The following MESD variants were observed in gnomAD, a reference collection of about 807,000 sequenced individuals.
MESD encodes the protein LRP chaperone MESD.
MESD carries 7 observed loss-of-function variants against 12.9 expected under a neutral mutation model. The ratio of observed to expected loss-of-function variants is 0.54; its 90% confidence interval spans 0.31 to 1.02. The LOEUF (loss-of-function observed/expected upper bound fraction) is 1.02. MESD is among the 50% of genes least tolerant of loss of function. The pLI, the probability that MESD is intolerant of heterozygous loss-of-function variation, is 0.05. For synonymous variants in MESD, 126 were observed against 115.6 expected (o/e 1.09, Z -0.58); for missense variants, 342 against 296.7 (o/e 1.15, Z -1.12).
chr15:80,966,567 C>T (rs1902179438), intron 3 of MESD, among the ~76,000 whole-genome samples: 1 of 152,202 alleles, frequency 6.6e-6, no homozygotes, highest in South Asian at 2.1e-4. Flanking sequence ...TGCACACACA[C>T]ACAAACCAAG....
In MESD at chr15:80,989,593, G is replaced by A. The variant is rs375376153; in HGVS notation, c.199C>T (p.Leu67=). The part of the protein sequence containing the change: ...DYNDADMARL[L]EQWEKDDDIE... Reference sequence around the variant, plus strand: ...GCGCCGCGGACCTCCCATTGCTCCAGAAGACGCGCCATGTCTGCATCATTG... The same window carrying A: ...GCGCCGCGGACCTCCCATTGCTCCAAAAGACGCGCCATGTCTGCATCATTG... Residue 67 remains leucine (L), a synonymous_variant, in exon 1 of 3, where the codon CTG becomes TTG. Transcript: ENST00000261758. 6 of 1,613,510 alleles carry A rather than the reference G, an allele frequency of 3.7e-6. No homozygotes were observed. In the East Asian group the frequency reaches 6.7e-5, roughly 18 times the overall value.
intron 1 of MESD, 42 bp from the exon 2 acceptor site, chr15:80,982,224 C>T (rs756724774): frequency 3.0e-5 from 47 of 1,565,642 alleles, no homozygotes; most frequent in South Asian, 1.9e-4. Flanking sequence ...TCATCAGAAT[C>T]TTGCTTTTCA....
chr15:80,968,868 A>G (rs1902227753), intron 3 of MESD, among the ~76,000 whole-genome samples: 1 of 152,084 alleles, frequency 6.6e-6, no homozygotes, highest in Non-Finnish European at 1.5e-5. Context: ...AGTAAATGTT[A>G]ACTAATACCA....
At chr15:80,958,564 C>T (rs887286855) in intron 3 of MESD, among the ~76,000 whole-genome samples, 7 of 152,190 alleles carry the variant, frequency 4.6e-5, no homozygotes, top group African/African-American at 1.7e-4. Flanking sequence ...AACTCCCGAG[C>T]TCAGGTGATC....
At chr15:80,973,463 T>A (rs1035220823), downstream of MESD, among the ~76,000 whole-genome samples, 1 of 151,808 alleles carries the variant, frequency 6.6e-6, no homozygotes. Flanking sequence ...GGCTTGAGCC[T>A]AGGAGGTCAA....
Position 80,982,025 on chromosome 15 carries a change from G to A in MESD, c.371C>T (p.Pro124Leu). 1.2e-6 allele frequency: 2 copies of A among 1,614,134 alleles called. No individual in the cohort carries two copies. Among genetic ancestry groups the A allele is most frequent in the Non-Finnish European group, 1.7e-6 (2 of 1,180,030 alleles). ...AATTTCCTCTGTCTCCTTCTCAGTA[G>A]GGCTTCCTGATACAGTGACAAACAT... ...LMMFVTVSGS[P>L]TEKETEEITS... The change falls in exon 2 of 3, where the codon CCT (proline) becomes CTT (leucine). Residue 124 changes from proline (P) to leucine (L), a missense_variant. Pro to Leu is a moderately conservative substitution (Grantham distance 98). Coordinates refer to ENST00000261758, the MANE Select transcript of MESD (RefSeq NM_015154.3).
Position 80,975,902 on chromosome 15 carries a change from A to G in MESD, c.*3317T>C, listed in dbSNP as rs1266219070. The G allele has an allele frequency of 6.6e-6, 1 of 152,212 alleles. No homozygotes were observed. The highest frequency in any genetic ancestry group is 2.4e-5 in the African/African-American group (1 of 41,474). 9.4% of individuals were successfully genotyped at this position (152,212 alleles called of 1,614,324 possible). A position where few individuals can be genotyped will look rare whatever the true frequency, so the allele number is the denominator to read the frequency against. On this transcript the variant is annotated 3_prime_UTR_variant, in exon 3 of 3. Transcript: ENST00000261758. ...GAAGATCAATTGAGCCGGTAGGTAGAGACTTCAGTGAGCCGTGATCCTACT... is the reference window on the plus strand; with the variant it reads ...GAAGATCAATTGAGCCGGTAGGTAGGGACTTCAGTGAGCCGTGATCCTACT...
At chr15:80,981,524 C>T (rs902949429) in intron 2 of MESD, among the ~76,000 whole-genome samples, 2 of 150,614 alleles carry the variant, frequency 1.3e-5, no homozygotes, top group Non-Finnish European at 3.0e-5. Flanking sequence ...TTGGGAAATA[C>T]GGCCAGAAAG....
chr15:80,981,815 G>A lies in MESD; in HGVS notation c.446+135C>T, dbSNP rs370966460. 491 of 666,666 alleles carry A rather than the reference G, an allele frequency of 7.4e-4. 3 individuals carry two copies. The African/African-American group carries it at 7.7e-3, about 10-fold the overall frequency. 41.3% of individuals were successfully genotyped at this position (666,666 alleles called of 1,614,324 possible). On this transcript the variant is annotated intron_variant, in intron 2 of 2. Transcript: ENST00000261758. Reference sequence around the variant, plus strand: ...GGTTGCAGTGAGCCGAGATCACGCCGCTGCACTCCAGCCTAGGCAACAAGA... The same window carrying A: ...GGTTGCAGTGAGCCGAGATCACGCCACTGCACTCCAGCCTAGGCAACAAGA...
chr15:80,958,141 CA>C (rs1191041407), intron 3 of MESD, among the ~76,000 whole-genome samples: 2 of 152,118 alleles, frequency 1.3e-5, no homozygotes, highest in African/African-American at 4.8e-5. Context: ...GGCATAGCAA[CA>C]GCTTCAAATA....
intron 3 of MESD, among the ~76,000 whole-genome samples, chr15:80,960,240 C>T (rs1308480088): frequency 6.6e-6 from 1 of 152,102 alleles, no homozygotes; most frequent in African/African-American, 2.4e-5. Context: ...TGGCACCCAC[C>T]TGTAGTGCCA....
At chr15:80,981,785 G>A (rs1404103342) in intron 2 of MESD, among the ~76,000 whole-genome samples, 165 bp downstream of exon 2, 1 of 152,128 alleles carries the variant, frequency 6.6e-6, no homozygotes, top group Non-Finnish European at 1.5e-5. Flanking sequence ...AACCAGGGAG[G>A]CGGAGGTTGC....
chr15:80,974,059 G>GT (rs1555441781), downstream of MESD, among the ~76,000 whole-genome samples: 2 of 151,194 alleles, frequency 1.3e-5, no homozygotes, highest in Non-Finnish European at 2.9e-5. Flanking sequence ...AGCAATTATG[G>GT]TTCCCCCCCC....
At chr15:80,982,669 G>A (rs565472455) in intron 1 of MESD, among the ~76,000 whole-genome samples, 3 of 152,366 alleles carry the variant, frequency 2.0e-5, no homozygotes, top group Non-Finnish European at 2.9e-5. Flanking sequence ...AGTGTTGCCT[G>A]TAGAAGGGGG....
intron 1 of MESD, among the ~76,000 whole-genome samples, chr15:80,989,366 G>A (rs940319058): frequency 2.0e-5 from 3 of 152,160 alleles, no homozygotes; most frequent in Non-Finnish European, 4.4e-5. Context: ...CAGGGCACTG[G>A]AATGACAGAG....
chr15:80,965,113 AAAAC>A (rs766065188), intron 3 of MESD, among the ~76,000 whole-genome samples: 28 of 152,226 alleles, frequency 1.8e-4, no homozygotes, highest in Non-Finnish European at 3.2e-4. Context: ...TTACAAGAAA[AAAAC>A]AAACAACACC....
At chr15:80,987,755 T>C (rs7181224) in intron 1 of MESD, among the ~76,000 whole-genome samples, 8,053 of 152,090 alleles carry the variant, frequency 0.053, 741 homozygotes, top group African/African-American at 0.19. Flanking sequence ...TCCCAAAGTG[T>C]TGGGATTACA....
intron 1 of MESD, among the ~76,000 whole-genome samples, chr15:80,983,312 T>A (rs1358747697): frequency 6.6e-6 from 1 of 152,172 alleles, no homozygotes; most frequent in Non-Finnish European, 1.5e-5. Context: ...GCACTCCATG[T>A]ATACCCATTT....
chr15:80,984,863 T>C (rs1203967870), intron 1 of MESD, among the ~76,000 whole-genome samples: 1 of 152,230 alleles, frequency 6.6e-6, no homozygotes, highest in African/African-American at 2.4e-5. Flanking sequence ...TAATGTACTA[T>C]ATTAAAAATA....
Sources: gnomAD v4.1 joint callset for allele counts (sites outside exome capture counted in the v4.1 genomes callset) on GRCh38, gnomAD v4.1.1 for gene constraint, MANE v1.5 for transcripts, NCBI Gene and HGNC (gene_info 2026-07-23, HGNC 2026-07-21) for gene names.